NFIA: variants seen among roughly 807,000 people sequenced by gnomAD.
NFIA encodes nuclear factor I A, also known as nuclear factor 1 A-type.
In NFIA, 8 loss-of-function variants were observed where a neutral mutation model predicts 62.8. The observed-to-expected ratio is 0.13, with a 90% CI of 0.07 to 0.23. The LOEUF (loss-of-function observed/expected upper bound fraction) is 0.23. Among genes scored for constraint, NFIA ranks in the 10% least tolerant of loss-of-function variants. The pLI, the probability that NFIA is intolerant of heterozygous loss-of-function variation, is 1.00. For missense variants in NFIA, 410 were observed against 642.1 expected, an observed-to-expected ratio of 0.64 and a Z score of 3.91; for synonymous variants, 235 against 238.1, an observed-to-expected ratio of 0.99 and a Z score of 0.12.
At chr1:61,405,024 C>T (rs2499526) in intron 8 of NFIA, among the ~76,000 whole-genome samples, 70,293 of 151,998 alleles carry the variant, frequency 0.46, 18,605 homozygotes, top group African/African-American at 0.71. Context: ...TAATAAACAA[C>T]GACCAGCATA....
chr1:61,192,703 C>CA (rs55868819), intron 2 of NFIA, among the ~76,000 whole-genome samples: 1,578 of 135,870 alleles, frequency 0.012, 16 homozygotes, highest in Middle Eastern at 0.065. Context: ...ACTCTTGTCT[C>CA]AAAAAAAAAA....
chr1:61,399,077 T>C (rs1286932324), intron 7 of NFIA, among the ~76,000 whole-genome samples: 3 of 152,228 alleles, frequency 2.0e-5, no homozygotes, highest in African/African-American at 7.2e-5. Flanking sequence ...CAAGAGTTCT[T>C]AATGCCACCC....
intron 6 of NFIA, among the ~76,000 whole-genome samples, chr1:61,370,748 T>C (rs1663839048): frequency 6.6e-6 from 1 of 152,170 alleles, no homozygotes; most frequent in South Asian, 2.1e-4. Flanking sequence ...GAATGTTCGG[T>C]ATTTATTCAG....
At chr1:61,332,645 G>A (rs1429988344) in intron 4 of NFIA, 59 bp downstream of exon 4, 1 of 1,465,616 alleles carries the variant, frequency 6.8e-7, no homozygotes, top group Non-Finnish European at 9.5e-7. Flanking sequence ...CTTACTTTCT[G>A]CCTAGGACTC....
At chr1:61,177,157 T>G (rs984043676) in intron 2 of NFIA, among the ~76,000 whole-genome samples, 1 of 152,132 alleles carries the variant, frequency 6.6e-6, no homozygotes, top group Non-Finnish European at 1.5e-5. Context: ...TGCTTTATCT[T>G]CATTTTTGCT....
intron 2 of NFIA, among the ~76,000 whole-genome samples, chr1:61,197,092 TC>T (rs1283951207): frequency 3.3e-5 from 5 of 152,286 alleles, no homozygotes; most frequent in African/African-American, 1.2e-4. Flanking sequence ...ATAGCAGTAT[TC>T]GGAATGCAAC....
chr1:61,091,921 A>C (rs998724059), intron 2 of NFIA, among the ~76,000 whole-genome samples: 1 of 152,018 alleles, frequency 6.6e-6, no homozygotes, highest in Non-Finnish European at 1.5e-5. Context: ...TTCTCAGTCA[A>C]ATTAGTTAGA....
intron 10 of NFIA, among the ~76,000 whole-genome samples, chr1:61,443,741 G>A (rs1667688385): frequency 6.6e-6 from 1 of 152,196 alleles, no homozygotes; most frequent in South Asian, 2.1e-4. Flanking sequence ...GAGAGAAGTT[G>A]AGAAGGAGAG....
In NFIA at chr1:61,403,995, A is replaced by G. The variant is rs1242978670; in HGVS notation, c.1076-109A>G. 33 of 1,260,238 alleles carry G rather than the reference A, an allele frequency of 2.6e-5. No homozygotes were observed. In the Middle Eastern group the frequency reaches 2.1e-3, roughly 80 times the overall value. The allele number at this position is 1,260,238 out of a possible 1,614,324, so 78.1% of individuals were successfully genotyped here. The stretch of plus-strand genomic sequence containing the variant: ...AGTGTTAAATTCAGTCACATGAGCA[A>G]TATTGTGAATCGGGCCAGGAAGAGA... On this transcript the variant is annotated intron_variant, in intron 7 of 10. Coordinates refer to ENST00000403491, the MANE Select transcript of NFIA (RefSeq NM_001134673.4).
At chr1:61,410,902 G>A (rs1666068399) in intron 9 of NFIA, among the ~76,000 whole-genome samples, 1 of 151,968 alleles carries the variant, frequency 6.6e-6, no homozygotes, top group African/African-American at 2.4e-5. Flanking sequence ...GCGAGACCCT[G>A]TTTCAAAAAA....
At chr1:61,426,665 C>G (rs1293892122) in intron 10 of NFIA, 109 bp downstream of exon 10, 1 of 787,636 alleles carries the variant, frequency 1.3e-6, no homozygotes, top group Non-Finnish European at 2.1e-6. Context: ...CCTGTCCAGT[C>G]TTCCCTTTCC....
intron 5 of NFIA, among the ~76,000 whole-genome samples, chr1:61,358,035 G>GAT (rs113528217): frequency 0.14 from 20,753 of 151,874 alleles, 2,306 homozygotes; most frequent in African/African-American, 0.3. Context: ...GAAAAAATGA[G>GAT]ATATATTCTG....
Position 61,306,919 on chromosome 1 carries a change from A to G in NFIA, c.626-25593A>G, listed in dbSNP as rs140132965. ...CAAAGTTTAGGAACCAGCCTGCTCC[A>G]GTATGCCTTTTGGAGGACTTTTCTT... is the stretch of plus-strand genomic sequence containing the variant. On this transcript the variant is annotated intron_variant, in intron 3 of 10. Coordinates refer to ENST00000403491, the MANE Select transcript of NFIA (RefSeq NM_001134673.4). Among the ~76,000 whole-genome samples, 1,297 of 152,314 alleles carry G rather than the reference A, an allele frequency of 8.5e-3. 10 individuals carry two copies. Among genetic ancestry groups the G allele is most frequent in the Middle Eastern group, 0.044 (13 of 294 alleles).
intron 2 of NFIA, among the ~76,000 whole-genome samples, chr1:61,271,066 C>A (rs1483795394): frequency 6.6e-6 from 1 of 152,214 alleles, no homozygotes; most frequent in Non-Finnish European, 1.5e-5. Flanking sequence ...ACTTGAAATT[C>A]AGCCTCATGC....
rs139402424 is a variant in NFIA at position 61,136,066 on chromosome 1, A to G, written c.559+47386A>G. 2.0e-5 allele frequency among the ~76,000 whole-genome samples: 3 copies of G among 152,344 alleles called. No individual in the cohort carries two copies. In the East Asian group the frequency reaches 5.8e-4, roughly 29 times the overall value. ...CACGAGATATACTACATCATGTAAT[A>G]TGTCTGCATTTGTCCATGCATTCTT... On this transcript the variant is annotated intron_variant, in intron 2 of 10. Coordinates refer to ENST00000403491, the MANE Select transcript of NFIA (RefSeq NM_001134673.4).
At chr1:61,248,728 G>A (rs1655814211) in intron 2 of NFIA, among the ~76,000 whole-genome samples, 1 of 152,176 alleles carries the variant, frequency 6.6e-6, no homozygotes, top group Non-Finnish European at 1.5e-5. Flanking sequence ...TAAATATTCA[G>A]TGACCATTTC....
At chr1:61,112,056 A>T (rs960480896) in intron 2 of NFIA, among the ~76,000 whole-genome samples, 5 of 152,096 alleles carry the variant, frequency 3.3e-5, no homozygotes, top group African/African-American at 1.2e-4. Context: ...TCATTTGCAT[A>T]AATTGTTGAA....
chr1:61,233,546 C>G (rs142359758), intron 2 of NFIA, among the ~76,000 whole-genome samples: 10 of 152,270 alleles, frequency 6.6e-5, no homozygotes, highest in African/African-American at 1.9e-4. Context: ...ATAGTTGGTG[C>G]TTACTACTTG....
intron 9 of NFIA, among the ~76,000 whole-genome samples, chr1:61,417,242 A>G (rs1337694592): frequency 7.0e-6 from 1 of 143,456 alleles, no homozygotes; most frequent in African/African-American, 2.6e-5. Context: ...AACTATTAAC[A>G]TTTTGGTTTT....
Sources: gnomAD v4.1 joint callset for allele counts (sites outside exome capture counted in the v4.1 genomes callset) on GRCh38, gnomAD v4.1.1 for gene constraint, MANE v1.5 for transcripts, NCBI Gene and HGNC (gene_info 2026-07-23, HGNC 2026-07-21) for gene names.